Variants in FIG4 observed in about 807,000 individuals in gnomAD.
FIG4 encodes polyphosphoinositide phosphatase.
A neutral mutation model predicts 118.6 loss-of-function variants in FIG4; 112 were observed. The ratio of observed to expected loss-of-function variants is 0.94; its 90% CI spans 0.81 to 1.11. FIG4 has a LOEUF of 1.11. Ranked by LOEUF, FIG4 falls within the 50% of genes least tolerant of loss-of-function variation. FIG4 has a pLI of 0.00. For synonymous variants in FIG4, 369 were observed against 381.2 expected (o/e 0.97, Z 0.37); for missense variants, 969 against 1,111.7 (o/e 0.87, Z 1.83).
In FIG4 at chr6:109,710,427, T is replaced by C. The variant is rs980536706; in HGVS notation, c.67-4651T>C. Among the ~76,000 whole-genome samples the C allele has an allele frequency of 2.6e-5, 4 of 152,350 alleles. No homozygotes were observed. In the East Asian group the frequency reaches 7.7e-4, roughly 29 times the overall value. Reference sequence around the variant, plus strand: ...GGCCTGAAGTTTTCTTTTTTTGTTGTATCTCTAACAGGTTTTGTTATCAGG... The same window carrying C: ...GGCCTGAAGTTTTCTTTTTTTGTTGCATCTCTAACAGGTTTTGTTATCAGG... On this transcript the variant is annotated intron_variant, in intron 1 of 22. Transcript: ENST00000230124.
rs118020947 is a variant in FIG4 at position 109,740,015 on chromosome 6, T to C, written c.776-1429T>C. On this transcript the variant is annotated intron_variant, in intron 7 of 22. Coordinates refer to ENST00000230124, the MANE Select transcript of FIG4 (RefSeq NM_014845.6). ...GAAAATCAGGCTCATTACTTTATAATCACTTTCAACCAGTGAGTGGTATTA... is the reference window on the plus strand; with the variant it reads ...GAAAATCAGGCTCATTACTTTATAACCACTTTCAACCAGTGAGTGGTATTA... Among the ~76,000 whole-genome samples, 1,303 of 152,262 alleles carry C rather than the reference T, an allele frequency of 8.6e-3. 15 individuals carry two copies. The highest frequency in any genetic ancestry group is 0.054 in the Middle Eastern group (16 of 294).
chr6:109,755,055 C>T (rs967818131), intron 10 of FIG4, among the ~76,000 whole-genome samples: 1 of 152,018 alleles, frequency 6.6e-6, no homozygotes, highest in African/African-American at 2.4e-5. Flanking sequence ...ATCTTTCCTT[C>T]TTTCTCTTGT....
At chr6:109,710,136 C>T (rs1351970471) in intron 1 of FIG4, among the ~76,000 whole-genome samples, 4 of 151,914 alleles carry the variant, frequency 2.6e-5, no homozygotes, top group South Asian at 4.2e-4. Context: ...TATGTTCCTT[C>T]GATACCTTGC....
chr6:109,822,614 G>T (rs1779034865), intron 22 of FIG4, among the ~76,000 whole-genome samples: 1 of 151,616 alleles, frequency 6.6e-6, no homozygotes, highest in Non-Finnish European at 1.5e-5. Flanking sequence ...AATAATAGGG[G>T]TTACAGTATG....
intron 11 of FIG4, 124 bp downstream of exon 11, chr6:109,760,507 G>A: frequency 1.1e-6 from 1 of 925,862 alleles, no homozygotes; most frequent in South Asian, 1.3e-5. Flanking sequence ...ACCTGTTGAG[G>A]GGCTGTTTTG....
intron 15 of FIG4, among the ~76,000 whole-genome samples, chr6:109,771,986 C>T (rs1256685145): frequency 1.3e-5 from 2 of 152,188 alleles, no homozygotes; most frequent in Non-Finnish European, 2.9e-5. Flanking sequence ...TATTTTTCTG[C>T]TCTCATGAGC....
intron 22 of FIG4, among the ~76,000 whole-genome samples, chr6:109,809,671 A>G (rs1778667984): frequency 6.6e-6 from 1 of 152,224 alleles, no homozygotes; most frequent in Admixed American, 6.5e-5. Flanking sequence ...TGACTGGTTG[A>G]AGAAATCTTA....
intron 22 of FIG4, among the ~76,000 whole-genome samples, chr6:109,814,387 C>T (rs1778801772): frequency 6.6e-6 from 1 of 152,108 alleles, no homozygotes; most frequent in Admixed American, 6.6e-5. Flanking sequence ...AGTGACCCTC[C>T]TGCCTCAGCC....
chr6:109,782,569 T>A lies in FIG4; in HGVS notation c.1890-2401T>A, dbSNP rs60483451. ...CATTTTTTGTAATGTCTACTTCTTC[T>A]TCCTAAGCAAGCTGATTGTAAGCAA... On this transcript the variant is annotated intron_variant, in intron 16 of 22. Coordinates refer to ENST00000230124, the MANE Select transcript of FIG4 (RefSeq NM_014845.6). 6.4e-4 allele frequency among the ~76,000 whole-genome samples: 97 copies of A among 151,050 alleles called. 1 individual carries two copies. The East Asian group carries it at 0.017, about 27-fold the overall frequency.
At chr6:109,774,050 G>A (rs1562676176) in intron 15 of FIG4, among the ~76,000 whole-genome samples, 1 of 152,022 alleles carries the variant, frequency 6.6e-6, no homozygotes, top group South Asian at 2.1e-4. Flanking sequence ...GAGCTCAAGC[G>A]ATCTGCCTGC....
At chr6:109,804,286 G>A (rs1277927760) in intron 22 of FIG4, among the ~76,000 whole-genome samples, 1 of 152,088 alleles carries the variant, frequency 6.6e-6, no homozygotes, top group East Asian at 1.9e-4. Flanking sequence ...CATCAGTTTT[G>A]TGTATGGAAG....
At position 109,786,124 on chromosome 6, in the gene FIG4, C is replaced by T. The variant is rs1054806848; in HGVS notation, c.1949-178C>T. On this transcript the variant is annotated intron_variant, in intron 17 of 22. Transcript: ENST00000230124. Reference sequence around the variant, plus strand: ...TCAGCTTTGCATTGTATTTTCTATGCATCTATCTCATCTCCTTTCTAACTG... The same window carrying T: ...TCAGCTTTGCATTGTATTTTCTATGTATCTATCTCATCTCCTTTCTAACTG... 9.9e-6 allele frequency: 6 copies of T among 605,988 alleles called. No individual in the cohort carries two copies. The African/African-American group carries it at 1.1e-4, about 11-fold the overall frequency. 37.5% of individuals were successfully genotyped at this position (605,988 alleles called of 1,614,324 possible).
intron 18 of FIG4, among the ~76,000 whole-genome samples, chr6:109,789,323 A>G (rs1778071291): frequency 1.3e-5 from 2 of 152,218 alleles, no homozygotes; most frequent in Admixed American, 1.3e-4. Flanking sequence ...AAGACTGATA[A>G]CATTGAAATT....
intron 4 of FIG4, among the ~76,000 whole-genome samples, chr6:109,732,018 G>T (rs1158017077): frequency 6.6e-6 from 1 of 152,150 alleles, no homozygotes; most frequent in Admixed American, 6.6e-5. Flanking sequence ...AAAGTAAAGA[G>T]ATGCATGGAC....
At chr6:109,759,727 C>T (rs1056673870) in intron 10 of FIG4, among the ~76,000 whole-genome samples, 1 of 152,226 alleles carries the variant, frequency 6.6e-6, no homozygotes, top group Non-Finnish European at 1.5e-5. Context: ...ATTCATTCAA[C>T]CACAGTGTAA....
At chr6:109,749,104 T>TGTGTGTGTGTGTG (rs1203351746) in intron 10 of FIG4, among the ~76,000 whole-genome samples, 22 of 143,672 alleles carry the variant, frequency 1.5e-4, no homozygotes, top group South Asian at 8.6e-4. Context: ...TGTGTGTGTG[T>TGTGTGTGTGTGTG]TTTAAATCAA....
At chr6:109,795,592 G>T (rs1554309615) in intron 21 of FIG4, among the ~76,000 whole-genome samples, 8 of 78,612 alleles carry the variant, frequency 1.0e-4, no homozygotes, top group Non-Finnish European at 1.9e-4. Flanking sequence ...TTTGGTTTCA[G>T]TCCTTTTTTT....
Position 109,738,373 on chromosome 6 carries a change from G to T in FIG4, c.695G>T (p.Gly232Val). Reference protein sequence around the residue: ...SEPYMKYVWNGELLDIIKSTV... With the variant: ...SEPYMKYVWNVELLDIIKSTV... ...CCTTATATGAAATATGTATGGAATG[G>T]TGAACTTCTGGATATAATTAAAAGT... The change falls in exon 7 of 23, where the codon GGT (glycine) becomes GTT (valine). Residue 232 changes from glycine to valine, a missense_variant. Gly to Val is a moderately radical substitution (Grantham distance 109). Transcript: ENST00000230124. 2.5e-6 allele frequency: 4 copies of T among 1,610,580 alleles called. No individual in the cohort carries two copies. The highest frequency in any genetic ancestry group is 3.4e-6 in the Non-Finnish European group (4 of 1,177,164).
chr6:109,793,647 A>G (rs1471859564), intron 21 of FIG4, among the ~76,000 whole-genome samples: 1 of 152,180 alleles, frequency 6.6e-6, no homozygotes, highest in African/African-American at 2.4e-5. Context: ...TGTCTGTAAA[A>G]TGTAAATTGT....
Sources: allele counts gnomAD v4.1 joint callset (sites outside exome capture counted in the v4.1 genomes callset), GRCh38; gene constraint gnomAD v4.1.1; transcripts MANE v1.5; gene names NCBI Gene and HGNC (gene_info 2026-07-23, HGNC 2026-07-21).